XXYLT1: variants seen among roughly 807,000 people sequenced by gnomAD.
The protein encoded by XXYLT1 is xyloside xylosyltransferase 1.
Under a neutral mutation model 28.9 loss-of-function variants are expected in XXYLT1, and 20 were observed. The observed-to-expected ratio is 0.69, with a 90% CI of 0.49 to 1.00. The LOEUF is 1.00. Ranked by LOEUF, XXYLT1 falls within the 50% of genes least tolerant of loss-of-function variation. The pLI, the probability that XXYLT1 is intolerant of heterozygous loss-of-function variation, is 0.00. For synonymous variants in XXYLT1, 257 were observed against 253.8 expected (o/e 1.01, Z -0.12); for missense variants, 542 against 560.1 (o/e 0.97, Z 0.33).
At chr3:195,082,040 A>T (rs929935653) in intron 3 of XXYLT1, among the ~76,000 whole-genome samples, 1 of 152,238 alleles carries the variant, frequency 6.6e-6, no homozygotes, top group Non-Finnish European at 1.5e-5. Flanking sequence ...CTTTAACTGC[A>T]TTCCAAGTGC....
At chr3:195,134,358 G>A (rs1202658306) in intron 3 of XXYLT1, 1 of 152,190 alleles carries the variant, frequency 6.6e-6, no homozygotes, top group Non-Finnish European at 1.5e-5. Context: ...AAGCTCCACT[G>A]ATGGTAGATG....
chr3:195,215,143 G>A (rs1366300128), intron 2 of XXYLT1, among the ~76,000 whole-genome samples: 34 of 151,396 alleles, frequency 2.2e-4, no homozygotes, highest in Non-Finnish European at 2.8e-4. Flanking sequence ...TCACCACCAG[G>A]CCTGCCCTAA....
At chr3:195,145,640 A>G (rs1719804204) in intron 3 of XXYLT1, among the ~76,000 whole-genome samples, 1 of 144,350 alleles carries the variant, frequency 6.9e-6, no homozygotes, top group African/African-American at 2.9e-5. Context: ...CTCCACGGTG[A>G]CCGGCACTGA....
intron 3 of XXYLT1, among the ~76,000 whole-genome samples, chr3:195,099,329 C>G (rs1716635206): frequency 6.6e-6 from 1 of 152,150 alleles, no homozygotes; most frequent in African/African-American, 2.4e-5. Flanking sequence ...GTGTCCATCA[C>G]CACCCAGGCA....
At chr3:195,108,916 C>T (rs1191351869) in intron 3 of XXYLT1, among the ~76,000 whole-genome samples, 4 of 152,190 alleles carry the variant, frequency 2.6e-5, no homozygotes, top group African/African-American at 9.7e-5. Context: ...TCACGTCCCA[C>T]ACAGTGGCTA....
chr3:195,239,764 C>A (rs940156662), intron 1 of XXYLT1, among the ~76,000 whole-genome samples: 1 of 152,206 alleles, frequency 6.6e-6, no homozygotes, highest in African/African-American at 2.4e-5. Context: ...CAGAGCACGT[C>A]CTCCTCACCA....
intron 3 of XXYLT1, among the ~76,000 whole-genome samples, chr3:195,147,549 G>C (rs767342559): frequency 7.9e-5 from 12 of 152,170 alleles, no homozygotes; most frequent in Non-Finnish European, 1.8e-4. Flanking sequence ...CAGCCTGGGC[G>C]ACAAGAAAGA....
At chr3:195,266,447 C>A (rs1725852505) in intron 1 of XXYLT1, among the ~76,000 whole-genome samples, 1 of 151,746 alleles carries the variant, frequency 6.6e-6, no homozygotes, top group Non-Finnish European at 1.5e-5. Flanking sequence ...TGAGCCGAGA[C>A]CGCACCACAG....
chr3:195,260,253 C>T (rs1299764145), intron 1 of XXYLT1, among the ~76,000 whole-genome samples: 1 of 150,904 alleles, frequency 6.6e-6, no homozygotes, highest in East Asian at 1.9e-4. Flanking sequence ...CGTGTGTCGG[C>T]CCCGGGCGGG....
rs1251463123 is a variant in XXYLT1, at chr3:195,240,699, C to A, written c.505-13843G>T. Among the ~76,000 whole-genome samples, 1 of 152,264 alleles carries A rather than the reference C, an allele frequency of 6.6e-6. No individual in the cohort carries two copies. The highest frequency in any genetic ancestry group is 1.5e-5 in the Non-Finnish European group (1 of 68,050). ...CTCCCCATGCGCCGCCAGAGACCAT[C>A]CCCCAGCACAGCTATTGGAGGGAAG... On this transcript the variant is annotated intron_variant, in intron 1 of 3. Transcript: ENST00000310380. This position sits in a 1 kb window ranked among gnomAD's most constrained non-coding sequence, Gnocchi z 4.7.
At chr3:195,211,112 G>GGCC (rs1276062932) in intron 2 of XXYLT1, among the ~76,000 whole-genome samples, 2 of 152,238 alleles carry the variant, frequency 1.3e-5, no homozygotes, top group Admixed American at 6.5e-5. Context: ...GGCAAAGGCA[G>GGCC]GCCGGGCATG....
chr3:195,252,711 CACACACACACACACACAG>C (rs1175776177), intron 1 of XXYLT1, among the ~76,000 whole-genome samples: 2 of 142,502 alleles, frequency 1.4e-5, no homozygotes, highest in African/African-American at 5.9e-5. Context: ...CACACACACA[CACACACACACACACACAG>C]AGAGAGAGAG....
At chr3:195,267,680 T>A (rs1041380499) in intron 1 of XXYLT1, among the ~76,000 whole-genome samples, 4 of 152,188 alleles carry the variant, frequency 2.6e-5, no homozygotes, top group Admixed American at 1.3e-4. Flanking sequence ...AACGATTATA[T>A]AAATACAACT....
intron 1 of XXYLT1, among the ~76,000 whole-genome samples, chr3:195,231,765 T>C (rs2108809344): frequency 6.6e-6 from 1 of 152,126 alleles, no homozygotes; most frequent in East Asian, 1.9e-4. Flanking sequence ...TTTTTTTTTT[T>C]TTAAATGTAC....
intron 2 of XXYLT1, among the ~76,000 whole-genome samples, chr3:195,222,481 T>C (rs868840606): frequency 1.2e-4 from 18 of 151,988 alleles, no homozygotes; most frequent in Admixed American, 2.0e-4. Flanking sequence ...CGGCTGGGGG[T>C]TGACACACCC....
At position 195,175,709 on chromosome 3, in the gene XXYLT1, G is replaced by A. The variant is rs149056601; in HGVS notation, c.653-19128C>T. ...TGGCTGATGGACTATGAGCAGAAGT[G>A]CTGTGTGCAACTCTGGACTGTAGCA... is the stretch of plus-strand genomic sequence containing the variant. On this transcript the variant is annotated intron_variant, in intron 2 of 3. Transcript: ENST00000310380. 3,094 of 1,536,100 alleles carry A rather than the reference G, an allele frequency of 2.0e-3. 56 individuals carry two copies. The Admixed American group carries it at 0.038, about 19-fold the overall frequency.
rs1720597342 is a variant in XXYLT1, at chr3:195,156,452, T to C, written c.782A>G (p.Tyr261Cys). The change falls in exon 3 of 4, where the codon TAC becomes TGC. Residue 261 changes from tyrosine to cysteine, a missense_variant. Physicochemically the swap from Tyr to Cys is radical, Grantham distance 194 (BLOSUM62 -2). Coordinates refer to ENST00000310380, the MANE Select transcript of XXYLT1 (RefSeq NM_152531.5). Reference protein sequence around the residue: ...IGIAREMQPVYRHTFWQFRHE... With the variant: ...IGIAREMQPVCRHTFWQFRHE... The stretch of plus-strand genomic sequence containing the variant: ...CCCCCCTGCAGTCATGACGCACCTG[T>C]AAACTGGCTGCATCTCCCGGGCTAT... 2 of 1,613,878 alleles carry C rather than the reference T, an allele frequency of 1.2e-6. No homozygotes were observed. Among genetic ancestry groups the C allele is most frequent in the Non-Finnish European group, 1.7e-6 (2 of 1,179,952 alleles).
chr3:195,122,206 C>T (rs1489750264), intron 3 of XXYLT1: 3 of 702,716 alleles, frequency 4.3e-6, no homozygotes, highest in Non-Finnish European at 7.8e-6. Flanking sequence ...GACCTAATCA[C>T]TCTCCAAAGG....
Position 195,257,114 on chromosome 3 carries a change from T to C in XXYLT1, c.504+13441A>G, listed in dbSNP as rs1458280566. ...TTTCTTTACAAGCTTGAGGCCTCTG[T>C]AAGCGGCCAAGGACGCCATGTCCCG... On this transcript the variant is annotated intron_variant, in intron 1 of 3. Transcript: ENST00000310380. This position sits in a 1 kb window ranked among gnomAD's most constrained non-coding sequence, Gnocchi z 4.3. Among the ~76,000 whole-genome samples the C allele has an allele frequency of 6.6e-6, 1 of 152,210 alleles. No homozygotes were observed. The highest frequency in any genetic ancestry group is 6.5e-5 in the Admixed American group (1 of 15,284).
Sources: gnomAD v4.1 joint callset for allele counts (sites outside exome capture counted in the v4.1 genomes callset) on GRCh38, gnomAD v4.1.1 for gene constraint, Gnocchi (gnomAD v3.1) non-coding constraint, MANE v1.5 for transcripts, NCBI Gene and HGNC (gene_info 2026-07-23, HGNC 2026-07-21) for gene names.